Variants in VPS26B observed in about 807,000 individuals in gnomAD.
VPS26B encodes VPS26 retromer complex component B.
Under a neutral mutation model 33.3 loss-of-function variants are expected in VPS26B, and 10 were observed. The ratio of observed to expected loss-of-function variants is 0.30; its 90% CI spans 0.19 to 0.51. The LOEUF (loss-of-function observed/expected upper bound fraction) is 0.51. Ranked by LOEUF, VPS26B falls within the 20% of genes least tolerant of loss-of-function variation. The probability of loss-of-function intolerance (pLI) is 0.98; values close to 1 mark genes in which losing one functional copy is unlikely to be tolerated. For synonymous variants in VPS26B, 190 were observed against 176.9 expected, an observed-to-expected ratio of 1.07 and a Z score of -0.59; for missense variants, 317 against 452.7, an observed-to-expected ratio of 0.70 and a Z score of 2.72.
Position 134,225,039 on chromosome 11 carries a change from C to G in VPS26B, c.-84C>G. The G allele has an allele frequency of 7.3e-7, 1 of 1,370,136 alleles. No individual in the cohort carries two copies. The highest frequency in any genetic ancestry group is 1.5e-5 in the South Asian group (1 of 67,682). 84.9% of individuals were successfully genotyped at this position (1,370,136 alleles called of 1,614,324 possible). A position where few individuals can be genotyped will look rare whatever the true frequency, so the allele number is the denominator to read the frequency against. On this transcript the variant is annotated 5_prime_UTR_variant, in exon 1 of 6. Coordinates refer to ENST00000281187, the MANE Select transcript of VPS26B (RefSeq NM_052875.5). ...GGCCGAGCGCGCTCGCGCATCGGGC[C>G]CTCTGGCCTTCTTTACCTAGGGCAG...
chr11:134,224,922 G>C lies in VPS26B; in HGVS notation c.-201G>C, dbSNP rs1001741275. 4.1e-6 allele frequency: 1 copy of C among 243,798 alleles called. No individual in the cohort carries two copies. The highest frequency in any genetic ancestry group is 7.4e-6 in the Non-Finnish European group (1 of 134,398). 15.1% of individuals were successfully genotyped at this position (243,798 alleles called of 1,614,324 possible). ...CGGGCGCCGCAGCCCGCAGCCGCCA[G>C]CCTCCCCCGGCCGTGCCCCTCCCCC... On this transcript the variant is annotated 5_prime_UTR_variant, in exon 1 of 6. Coordinates refer to ENST00000281187, the MANE Select transcript of VPS26B (RefSeq NM_052875.5).
At position 134,235,034 on chromosome 11, in the gene VPS26B, G is replaced by A. The variant is rs1380092795; in HGVS notation, c.361G>A (p.Gly121Arg). ...GGAGAAGCCGTATGAGTCCTACACAGGGCAGAATGTGAAGCTACGGTAAGT... is the reference window on the plus strand; with the variant it reads ...GGAGAAGCCGTATGAGTCCTACACAAGGCAGAATGTGAAGCTACGGTAAGT... ...HVEKPYESYTGQNVKLRYFLR... is the reference protein window; with the variant it reads ...HVEKPYESYTRQNVKLRYFLR... The change falls in exon 2 of 6, where the codon GGG becomes AGG. Residue 121 changes from glycine (G) to arginine (R), a missense_variant. Gly to Arg is a moderately radical substitution (Grantham distance 125, BLOSUM62 -2). Coordinates refer to ENST00000281187, the MANE Select transcript of VPS26B (RefSeq NM_052875.5). The A allele has an allele frequency of 6.2e-7, 1 of 1,613,756 alleles. No individual in the cohort carries two copies. Among genetic ancestry groups the A allele is most frequent in the East Asian group, 2.2e-5 (1 of 44,874 alleles).
intron 3 of VPS26B, among the ~76,000 whole-genome samples, chr11:134,241,831 A>G (rs1280121919): frequency 2.0e-5 from 3 of 152,202 alleles, no homozygotes; most frequent in Admixed American, 6.5e-5. Context: ...CTGCTCTTAC[A>G]CTAAGAAGTT....
intron 2 of VPS26B, among the ~76,000 whole-genome samples, chr11:134,238,785 C>CG (rs1565357605): frequency 6.6e-6 from 1 of 151,574 alleles, no homozygotes; most frequent in Non-Finnish European, 1.5e-5. Context: ...TTAGTAGAGA[C>CG]GGGGTTTCAC....
intron 2 of VPS26B, among the ~76,000 whole-genome samples, chr11:134,235,919 T>C (rs559264809): frequency 6.6e-6 from 1 of 152,344 alleles, no homozygotes; most frequent in Admixed American, 6.5e-5. Context: ...CAGGTCTTGA[T>C]ACCATCTCAT....
chr11:134,234,162 G>A (rs1938598278), intron 1 of VPS26B, among the ~76,000 whole-genome samples: 1 of 152,154 alleles, frequency 6.6e-6, no homozygotes, highest in Non-Finnish European at 1.5e-5. Context: ...TTTCAGTGGA[G>A]GGAATAACAT....
intron 1 of VPS26B, among the ~76,000 whole-genome samples, chr11:134,233,153 CG>C (rs1252584182): frequency 1.3e-5 from 2 of 152,130 alleles, no homozygotes; most frequent in African/African-American, 4.8e-5. Flanking sequence ...TGTAGTTACA[CG>C]GGAAATCAGC....
At position 134,230,807 on chromosome 11, in the gene VPS26B, C is replaced by T. The variant is rs147859900; in HGVS notation, c.224-4090C>T. On this transcript the variant is annotated intron_variant, in intron 1 of 5. Coordinates refer to ENST00000281187, the MANE Select transcript of VPS26B (RefSeq NM_052875.5). The stretch of plus-strand genomic sequence containing the variant: ...CTTATTTATTCACTTATGTGGTGGA[C>T]GTTTTTCTGTTATCCTCTGCAAGTT... Among the ~76,000 whole-genome samples the T allele has an allele frequency of 8.5e-5, 13 of 152,286 alleles. No homozygotes were observed. The East Asian group carries it at 2.1e-3, about 25-fold the overall frequency.
chr11:134,236,125 C>T (rs1393338869), intron 2 of VPS26B, among the ~76,000 whole-genome samples: 1 of 151,810 alleles, frequency 6.6e-6, no homozygotes, highest in Non-Finnish European at 1.5e-5. Context: ...GCCTGGGCAA[C>T]ATATTGAGAC....
chr11:134,224,870 G>A lies in VPS26B; in HGVS notation c.-253G>A, dbSNP rs1252744227. The A allele has an allele frequency of 5.8e-6, 1 of 171,128 alleles. No homozygotes were observed. The highest frequency in any genetic ancestry group is 1.2e-5 in the Non-Finnish European group (1 of 81,220). The allele number at this position is 171,128 out of a possible 1,614,324, so 10.6% of individuals were successfully genotyped here. A position where few individuals can be genotyped will look rare whatever the true frequency, so the allele number is the denominator to read the frequency against. ...ACTGGCTGGGACTGGCTCGGCCGAG[G>A]GCACTGCTCCTCGGTGCATTGCTGC... On this transcript the variant is annotated 5_prime_UTR_variant, in exon 1 of 6. Transcript: ENST00000281187.
chr11:134,236,841 T>C (rs1021101411), intron 2 of VPS26B: 1 of 152,120 alleles, frequency 6.6e-6, no homozygotes, highest in Non-Finnish European at 1.5e-5. Context: ...GTTTAATGAG[T>C]AGAGTTTCAG....
At chr11:134,225,920 C>T (rs1938456595) in intron 1 of VPS26B, among the ~76,000 whole-genome samples, 1 of 152,166 alleles carries the variant, frequency 6.6e-6, no homozygotes, top group Non-Finnish European at 1.5e-5. Context: ...GTACATGTTT[C>T]CAGAAAGAAG....
chr11:134,229,846 G>A (rs1938532924), intron 1 of VPS26B, among the ~76,000 whole-genome samples: 1 of 152,134 alleles, frequency 6.6e-6, no homozygotes, highest in African/African-American at 2.4e-5. Flanking sequence ...ATTGGTTAAT[G>A]GGGGAAAGTA....
chr11:134,245,059 G>A lies in VPS26B; in HGVS notation c.843G>A (p.Glu281=). 3 of 1,614,160 alleles carry A rather than the reference G, an allele frequency of 1.9e-6. No homozygotes were observed. The highest frequency in any genetic ancestry group is 1.6e-4 in the Middle Eastern group (1 of 6,062). ...ACCTGGTGCTGATAGACGAGGAGGA[G>A]CGGCGCTACTTCAAGCAGCAGGTGA... ...YLNLVLIDEE[E]RRYFKQQEVV... The change falls in exon 5 of 6, where the codon GAG becomes GAA. Residue 281 remains glutamate, a synonymous_variant. Coordinates refer to ENST00000281187, the MANE Select transcript of VPS26B (RefSeq NM_052875.5). This position sits in a 1 kb window ranked among gnomAD's most constrained non-coding sequence, Gnocchi z 4.7.
intron 3 of VPS26B, among the ~76,000 whole-genome samples, chr11:134,242,864 G>A (rs1204086961): frequency 1.3e-5 from 2 of 152,244 alleles, no homozygotes; most frequent in East Asian, 1.9e-4. Context: ...TAGAGCAGAT[G>A]AACAAACATG....
intron 1 of VPS26B, among the ~76,000 whole-genome samples, chr11:134,227,582 C>T (rs538799527): frequency 6.6e-6 from 1 of 152,338 alleles, no homozygotes; most frequent in East Asian, 1.9e-4. Context: ...ACTCCTGAGA[C>T]ATCCATCATC....
At position 134,247,039 on chromosome 11, in the gene VPS26B, T is replaced by G. The variant is rs1299103923; in HGVS notation, c.*1449T>G. On this transcript the variant is annotated 3_prime_UTR_variant, in exon 6 of 6. Transcript: ENST00000281187. The stretch of plus-strand genomic sequence containing the variant: ...TTCAGTTAGTGTGGGAAAGGAAGAC[T>G]TCTGTTTTCCTGAGATCAGTGCAGT... 2 of 152,154 alleles carry G rather than the reference T, an allele frequency of 1.3e-5. No individual in the cohort carries two copies. Among genetic ancestry groups the G allele is most frequent in the Non-Finnish European group, 2.9e-5 (2 of 68,044 alleles). 9.4% of individuals were successfully genotyped at this position (152,154 alleles called of 1,614,324 possible).
chr11:134,245,196 A>G lies in VPS26B; in HGVS notation c.864+116A>G. On this transcript the variant is annotated intron_variant, in intron 5 of 5. Coordinates refer to ENST00000281187, the MANE Select transcript of VPS26B (RefSeq NM_052875.5). This position sits in a 1 kb window ranked among gnomAD's most constrained non-coding sequence, Gnocchi z 4.7. ...GAGGTGGGAACATTAGGTCGCCCAC[A>G]ATTGCACAACAAGAATGAGGATTCT... The G allele has an allele frequency of 7.0e-7, 1 of 1,429,236 alleles. No individual in the cohort carries two copies. Among genetic ancestry groups the G allele is most frequent in the Non-Finnish European group, 9.3e-7 (1 of 1,072,258 alleles). 88.5% of individuals were successfully genotyped at this position (1,429,236 alleles called of 1,614,324 possible).
In VPS26B at chr11:134,245,853, GC is replaced by G; in HGVS notation, c.*268del. On this transcript the variant is annotated 3_prime_UTR_variant, in exon 6 of 6. Transcript: ENST00000281187. This position sits in a 1 kb window ranked among gnomAD's most constrained non-coding sequence, Gnocchi z 4.7. ...AAGCCAGCCTCTCTGGGGAACATGA[GC>G]CCCCTTCCTCGGGGGGCTGCCTTGC... 1 of 465,790 alleles carries G rather than the reference GC, an allele frequency of 2.1e-6. No individual in the cohort carries two copies. The highest frequency in any genetic ancestry group is 3.9e-6 in the Non-Finnish European group (1 of 258,520). 28.9% of individuals were successfully genotyped at this position (465,790 alleles called of 1,614,324 possible).
Sources: allele counts gnomAD v4.1 joint callset (sites outside exome capture counted in the v4.1 genomes callset), GRCh38; gene constraint gnomAD v4.1.1; non-coding constraint Gnocchi (gnomAD v3.1); transcripts MANE v1.5; gene names NCBI Gene and HGNC (gene_info 2026-07-23, HGNC 2026-07-21).